SLC3A1: variants seen among roughly 807,000 people sequenced by gnomAD.
The protein encoded by SLC3A1 is amino acid transporter heavy chain SLC3A1.
In SLC3A1, 78 loss-of-function variants were observed where a neutral mutation model predicts 60.3. The ratio of observed to expected loss-of-function variants is 1.29; its 90% CI spans 1.08 to 1.56. The LOEUF (loss-of-function observed/expected upper bound fraction) is 1.56, where lower values mean the gene tolerates loss of function less well. SLC3A1 is among the 40% of genes most tolerant of loss of function. SLC3A1 has a pLI of 0.00. For missense variants in SLC3A1, 1,172 were observed against 858.9 expected, an observed-to-expected ratio of 1.36 and a Z score of -4.56; for synonymous variants, 392 against 307.9, an observed-to-expected ratio of 1.27 and a Z score of -2.86.
At chr2:44,317,594 T>C (rs1225943890) in intron 9 of SLC3A1, 3 of 152,494 alleles carry the variant, frequency 2.0e-5, no homozygotes, top group East Asian at 1.9e-4. Flanking sequence ...GTTCTAGACA[T>C]TGAGAAACAT....
At chr2:44,300,165 A>C in intron 5 of SLC3A1, 75 bp downstream of exon 5, 1 of 1,447,012 alleles carries the variant, frequency 6.9e-7, no homozygotes, top group Admixed American at 1.7e-5. Flanking sequence ...TCTCAGCCTG[A>C]GATACCAGTT....
At chr2:44,307,168 ATG>A (rs1672178438) in intron 7 of SLC3A1, among the ~76,000 whole-genome samples, 1 of 152,330 alleles carries the variant, frequency 6.6e-6, no homozygotes, top group South Asian at 2.1e-4. Context: ...ATGTTGTAGT[ATG>A]TCTCAGTACA....
intron 7 of SLC3A1, among the ~76,000 whole-genome samples, chr2:44,304,813 A>ATTTTTTTTTT (rs70965349): frequency 2.3e-5 from 2 of 85,832 alleles, no homozygotes; most frequent in African/African-American, 4.6e-5. Flanking sequence ...CTTGAAAACA[A>ATTTTTTTTTT]TTTTTTTTTT....
chr2:44,284,792 C>G (rs1671578008), intron 3 of SLC3A1, among the ~76,000 whole-genome samples: 1 of 152,094 alleles, frequency 6.6e-6, no homozygotes, highest in Non-Finnish European at 1.5e-5. Flanking sequence ...TCTTGAACTT[C>G]TGGCCTCAAG....
chr2:44,276,438 A>T (rs1329014317), intron 1 of SLC3A1, among the ~76,000 whole-genome samples: 1 of 152,206 alleles, frequency 6.6e-6, no homozygotes, highest in African/African-American at 2.4e-5. Flanking sequence ...GATATCTGTA[A>T]AAAGTATAGG....
At chr2:44,300,217 T>A in intron 5 of SLC3A1, 127 bp downstream of exon 5, 3 of 937,464 alleles carry the variant, frequency 3.2e-6, no homozygotes, top group Non-Finnish European at 5.0e-6. Context: ...GTACCCTGAT[T>A]TATTTCTTTA....
chr2:44,281,692 AGTT>A (rs1572790886), intron 3 of SLC3A1, 151 bp downstream of exon 3: 3 of 733,182 alleles, frequency 4.1e-6, no homozygotes, highest in Non-Finnish European at 7.1e-6. Flanking sequence ...TAAGGTTTCC[AGTT>A]GTTATTTACT....
At chr2:44,300,230 A>C (rs1671968285) in intron 5 of SLC3A1, 140 bp downstream of exon 5, 1 of 886,748 alleles carries the variant, frequency 1.1e-6, no homozygotes, top group African/African-American at 1.7e-5. Context: ...TTTCTTTAGG[A>C]AATGTGCAAG....
chr2:44,319,976 G>C (rs373643441), intron 9 of SLC3A1: 1 of 543,930 alleles, frequency 1.8e-6, no homozygotes, highest in Non-Finnish European at 3.3e-6. Flanking sequence ...AGCACTGTGC[G>C]TACTTATTGA....
At chr2:44,299,938 A>T in intron 4 of SLC3A1, 33 bp from the exon 5 acceptor site, 1 of 1,612,550 alleles carries the variant, frequency 6.2e-7, no homozygotes, top group Non-Finnish European at 8.5e-7. Context: ...AACGTAGTTA[A>T]TGTAACCAAG....
At chr2:44,314,113 T>C in intron 9 of SLC3A1, 162 bp downstream of exon 9, 1 of 1,506,918 alleles carries the variant, frequency 6.6e-7, no homozygotes, top group Non-Finnish European at 9.0e-7. Flanking sequence ...TTGTAAATCA[T>C]GCCTTTGTGA....
At chr2:44,282,198 C>G (rs555045094) in intron 3 of SLC3A1, among the ~76,000 whole-genome samples, 85 of 152,024 alleles carry the variant, frequency 5.6e-4, no homozygotes, top group Admixed American at 3.7e-3. Flanking sequence ...CTTTTTGTCT[C>G]CTCTGTCTGA....
Position 44,281,501 on chromosome 2 carries a change from G to A in SLC3A1, c.725G>A (p.Cys242Tyr). 1 of 1,613,982 alleles carries A rather than the reference G, an allele frequency of 6.2e-7. No homozygotes were observed. Among genetic ancestry groups the A allele is most frequent in the South Asian group, 1.1e-5 (1 of 91,078 alleles). The change falls in exon 3 of 10, where the codon TGT becomes TAT. Residue 242 changes from cysteine (C) to tyrosine (Y), a missense_variant. Transcript: ENST00000260649. The part of the protein sequence containing the change: ...KYTDYYIWHD[C>Y]THENGKTIPP... ...ACTGATTATTATATCTGGCATGACT[G>A]TACCCATGAAAATGGCAAAACCATT...
chr2:44,301,897 T>C (rs1672021317), intron 6 of SLC3A1, among the ~76,000 whole-genome samples: 1 of 151,400 alleles, frequency 6.6e-6, no homozygotes, highest in South Asian at 2.1e-4. Context: ...CCTCCTCTAC[T>C]AGAACTACAA....
chr2:44,319,269 A>G (rs1209365269), intron 9 of SLC3A1: 1 of 152,654 alleles, frequency 6.6e-6, no homozygotes, highest in Non-Finnish European at 1.5e-5. Context: ...TTAAATGAAC[A>G]TTATCACTGA....
At chr2:44,305,802 G>C (rs958421424) in intron 7 of SLC3A1, among the ~76,000 whole-genome samples, 2 of 151,958 alleles carry the variant, frequency 1.3e-5, no homozygotes, top group South Asian at 4.2e-4. Flanking sequence ...CCATCTCTCT[G>C]TATCTCTACC....
chr2:44,303,012 A>G (rs1672054667), intron 6 of SLC3A1, among the ~76,000 whole-genome samples: 1 of 151,984 alleles, frequency 6.6e-6, no homozygotes, highest in African/African-American at 2.4e-5. Flanking sequence ...CAGCCTGGCC[A>G]ACATGGTGAA....
intron 4 of SLC3A1, among the ~76,000 whole-genome samples, chr2:44,289,999 C>G (rs1239407943): frequency 6.6e-6 from 1 of 152,014 alleles, no homozygotes; most frequent in Non-Finnish European, 1.5e-5. Context: ...TTGCTTAATC[C>G]AAGGTCATGA....
chr2:44,309,490 C>T (rs1269895482), intron 7 of SLC3A1, among the ~76,000 whole-genome samples: 2 of 150,744 alleles, frequency 1.3e-5, no homozygotes, highest in Non-Finnish European at 3.0e-5. Context: ...CTCCTTTTGG[C>T]TGTTGGAATA....
Sources: allele counts gnomAD v4.1 joint callset (sites outside exome capture counted in the v4.1 genomes callset), GRCh38; gene constraint gnomAD v4.1.1; transcripts MANE v1.5; gene names NCBI Gene and HGNC (gene_info 2026-07-23, HGNC 2026-07-21).